The following PPFIA1 variants were observed in gnomAD, a reference collection of about 807,000 sequenced individuals.
PPFIA1 encodes liprin-alpha-1.
In PPFIA1, 25 loss-of-function variants were observed where a neutral mutation model predicts 149.9. The ratio of observed to expected loss-of-function variants is 0.17; its 90% confidence interval spans 0.12 to 0.23. The LOEUF (loss-of-function observed/expected upper bound fraction) is 0.23. Ranked by LOEUF, PPFIA1 falls within the 10% of genes least tolerant of loss-of-function variation. The pLI is 1.00. For synonymous variants in PPFIA1, 549 were observed against 552.8 expected (o/e 0.99, Z 0.10); for missense variants, 1,362 against 1,506.5 (o/e 0.90, Z 1.59).
chr11:70,299,185 G>A (rs922986423), intron 2 of PPFIA1, among the ~76,000 whole-genome samples: 1 of 152,148 alleles, frequency 6.6e-6, no homozygotes, highest in African/African-American at 2.4e-5. Context: ...GCTGCAGTGA[G>A]CCAAGATTGC....
intron 2 of PPFIA1, among the ~76,000 whole-genome samples, chr11:70,302,589 A>G (rs984757176): frequency 7.9e-5 from 12 of 152,106 alleles, no homozygotes; most frequent in Middle Eastern, 3.2e-3. Context: ...CTGGTAGGCA[A>G]TGTCATGCTT....
intron 2 of PPFIA1, among the ~76,000 whole-genome samples, chr11:70,306,179 A>G (rs1376878201): frequency 2.6e-5 from 4 of 152,148 alleles, no homozygotes; most frequent in East Asian, 1.9e-4. Flanking sequence ...TTGCGAAGCA[A>G]TCTTAATCGT....
intron 2 of PPFIA1, among the ~76,000 whole-genome samples, chr11:70,276,245 T>G (rs2050374480): frequency 6.6e-6 from 1 of 150,654 alleles, no homozygotes; most frequent in South Asian, 2.1e-4. Flanking sequence ...TAGTTGGAAT[T>G]ATAGACGCAC....
chr11:70,336,362 C>T (rs1414611696), intron 11 of PPFIA1, among the ~76,000 whole-genome samples: 2 of 152,042 alleles, frequency 1.3e-5, no homozygotes, highest in Non-Finnish European at 2.9e-5. Flanking sequence ...ATTAGCCAGG[C>T]CTGGGGGCAC....
chr11:70,317,471 C>T (rs2053704134), intron 2 of PPFIA1, among the ~76,000 whole-genome samples: 1 of 152,104 alleles, frequency 6.6e-6, no homozygotes, highest in Admixed American at 6.6e-5. Context: ...TCTACTGTAG[C>T]CACAGCAGTA....
At chr11:70,289,048 A>C (rs1240850753) in intron 2 of PPFIA1, among the ~76,000 whole-genome samples, 2 of 150,188 alleles carry the variant, frequency 1.3e-5, no homozygotes, top group Non-Finnish European at 3.0e-5. Flanking sequence ...GCTCACTGCA[A>C]GCTCCGCCTC....
At chr11:70,279,672 C>G (rs1316923936) in intron 2 of PPFIA1, among the ~76,000 whole-genome samples, 1 of 149,586 alleles carries the variant, frequency 6.7e-6, no homozygotes, top group African/African-American at 2.5e-5. Context: ...TCCTATGTGT[C>G]TCTTGTGCTC....
In PPFIA1 at chr11:70,324,919, C is replaced by A; in HGVS notation, c.439C>A (p.Gln147Lys). ...RSLRMTVVKR[Q>K]AQSPAGVSSE... is the part of the protein sequence containing the mutation. ...TCTTAGGATGACCGTGGTGAAGAGA[C>A]AAGCGCAGTCTCCAGCAGGCGTGTC... The change falls in exon 4 of 28, where the codon CAA becomes AAA. Residue 147 changes from glutamine to lysine, a missense_variant. Physicochemically the swap from Gln to Lys is moderately conservative, Grantham distance 53 (BLOSUM62 1). Transcript: ENST00000253925. The A allele has an allele frequency of 6.2e-7, 1 of 1,613,982 alleles. No individual in the cohort carries two copies. The highest frequency in any genetic ancestry group is 2.2e-5 in the East Asian group (1 of 44,868).
intron 16 of PPFIA1, chr11:70,350,065 A>T (rs2055960791): frequency 2.5e-6 from 1 of 407,508 alleles, no homozygotes; most frequent in African/African-American, 2.1e-5. Context: ...TGTGTGTTCG[A>T]TCATGTTTGT....
At chr11:70,366,112 C>G (rs147856582) in intron 21 of PPFIA1, 2 of 356,960 alleles carry the variant, frequency 5.6e-6, no homozygotes, top group African/African-American at 2.1e-5. Context: ...GATTTGAAAG[C>G]ACTGGTCAAG....
chr11:70,295,370 C>T lies in PPFIA1; in HGVS notation c.264+22934C>T, dbSNP rs567921962. On this transcript the variant is annotated intron_variant, in intron 2 of 27. Coordinates refer to ENST00000253925, the MANE Select transcript of PPFIA1 (RefSeq NM_003626.5). The stretch of plus-strand genomic sequence containing the variant: ...CTCCCTCCCGGATGGGGCGGCTGGC[C>T]GGGCGGGGGGCTGACCCCCCCATCT... 1.1e-4 allele frequency among the ~76,000 whole-genome samples: 16 copies of T among 140,590 alleles called. 1 individual carries two copies. In the South Asian group the frequency reaches 2.6e-3, roughly 22 times the overall value. The allele number at this position is 140,590 out of a possible 152,430, so 92.2% of individuals were successfully genotyped here.
At chr11:70,301,168 G>A (rs1462379464) in intron 2 of PPFIA1, among the ~76,000 whole-genome samples, 1 of 152,180 alleles carries the variant, frequency 6.6e-6, no homozygotes, top group Non-Finnish European at 1.5e-5. Flanking sequence ...TATAAAATCT[G>A]TAAAATAGAG....
At chr11:70,287,646 A>T (rs915299071) in intron 2 of PPFIA1, among the ~76,000 whole-genome samples, 3 of 149,310 alleles carry the variant, frequency 2.0e-5, no homozygotes, top group Admixed American at 6.7e-5. Context: ...TTTGTTTTTT[A>T]AAAAATTTGT....
At position 70,288,811 on chromosome 11, in the gene PPFIA1, G is replaced by A. The variant is rs574581724; in HGVS notation, c.264+16375G>A. On this transcript the variant is annotated intron_variant, in intron 2 of 27. Coordinates refer to ENST00000253925, the MANE Select transcript of PPFIA1 (RefSeq NM_003626.5). Reference sequence around the variant, plus strand: ...TTCTTGAGTGCTTCATTGCTTTCTGGCACAGAAATTTGTCCCAGGCCTACT... The same window carrying A: ...TTCTTGAGTGCTTCATTGCTTTCTGACACAGAAATTTGTCCCAGGCCTACT... 3.3e-5 allele frequency among the ~76,000 whole-genome samples: 5 copies of A among 152,136 alleles called. No homozygotes were observed. In the South Asian group the frequency reaches 1.0e-3, roughly 32 times the overall value.
chr11:70,325,191 A>T (rs1209100041), intron 4 of PPFIA1, 180 bp downstream of exon 4: 1 of 563,698 alleles, frequency 1.8e-6, no homozygotes, highest in East Asian at 3.3e-5. Context: ...TAAAATTACT[A>T]ATGTATATTG....
intron 24 of PPFIA1, 150 bp from the exon 25 acceptor site, chr11:70,376,382 G>T: frequency 1.4e-6 from 1 of 720,778 alleles, no homozygotes; most frequent in Non-Finnish European, 2.4e-6. Context: ...CCGCCTTGGC[G>T]TCCGAAAGTG....
chr11:70,361,715 A>G (rs2056655002), intron 19 of PPFIA1, among the ~76,000 whole-genome samples: 1 of 151,522 alleles, frequency 6.6e-6, no homozygotes, highest in Non-Finnish European at 1.5e-5. Flanking sequence ...TCCTGGGCTC[A>G]GGCAATCCTT....
intron 9 of PPFIA1, chr11:70,333,214 G>T: frequency 1.8e-6 from 1 of 562,914 alleles, no homozygotes; most frequent in Non-Finnish European, 3.4e-6. Context: ...TTGGGCATAG[G>T]GGTTGGGGGG....
chr11:70,340,971 T>C (rs1205378117), intron 14 of PPFIA1: 4 of 341,442 alleles, frequency 1.2e-5, no homozygotes, highest in African/African-American at 2.7e-5. Flanking sequence ...GCCCGTACTC[T>C]AGGAGAGGGC....
Sources: allele counts gnomAD v4.1 joint callset (sites outside exome capture counted in the v4.1 genomes callset), GRCh38; gene constraint gnomAD v4.1.1; transcripts MANE v1.5; gene names NCBI Gene and HGNC (gene_info 2026-07-23, HGNC 2026-07-21).